Variants in PCCA observed in about 807,000 individuals in gnomAD.
PCCA encodes propionyl-CoA carboxylase subunit alpha.
Under a neutral mutation model 101.3 loss-of-function variants are expected in PCCA, and 74 were observed. The observed-to-expected ratio is 0.73, with a 90% CI of 0.61 to 0.89. The LOEUF (loss-of-function observed/expected upper bound fraction) is 0.89, where lower values mean the gene tolerates loss of function less well. PCCA is among the 40% of genes least tolerant of loss of function. The probability of loss-of-function intolerance (pLI) is 0.00; values close to 1 mark genes in which losing one functional copy is unlikely to be tolerated. For missense variants in PCCA, 891 were observed against 907.0 expected, an observed-to-expected ratio of 0.98 and a Z score of 0.23; for synonymous variants, 294 against 313.6, an observed-to-expected ratio of 0.94 and a Z score of 0.66.
At chr13:100,217,066 G>A (rs1026032267) in intron 7 of PCCA, among the ~76,000 whole-genome samples, 1 of 151,806 alleles carries the variant, frequency 6.6e-6, no homozygotes, top group African/African-American at 2.4e-5. Flanking sequence ...CCGAGATCAC[G>A]CCATTGCACT....
intron 20 of PCCA, among the ~76,000 whole-genome samples, chr13:100,433,426 T>C (rs1370944450): frequency 6.6e-6 from 1 of 152,212 alleles, no homozygotes; most frequent in African/African-American, 2.4e-5. Flanking sequence ...CCTTCCTATA[T>C]TGGTATTACT....
chr13:100,226,571 T>C (rs191852041), intron 7 of PCCA, among the ~76,000 whole-genome samples: 179 of 152,310 alleles, frequency 1.2e-3, no homozygotes, highest in African/African-American at 4.2e-3. Flanking sequence ...CTTCCTTGTG[T>C]TTTGCCCTGT....
At chr13:100,238,461 C>G (rs1173265245) in intron 8 of PCCA, among the ~76,000 whole-genome samples, 1 of 152,042 alleles carries the variant, frequency 6.6e-6, no homozygotes, top group Non-Finnish European at 1.5e-5. Context: ...CTTTCTCTTT[C>G]CTGTCCTTCT....
chr13:100,521,670 T>C (rs1377654325), intron 22 of PCCA, among the ~76,000 whole-genome samples: 3 of 152,346 alleles, frequency 2.0e-5, no homozygotes, highest in East Asian at 3.9e-4. Flanking sequence ...TCACTCAATC[T>C]GAGATGCCTT....
chr13:100,509,135 T>G (rs376255099), intron 21 of PCCA, among the ~76,000 whole-genome samples: 5 of 149,580 alleles, frequency 3.3e-5, no homozygotes, highest in African/African-American at 9.6e-5. Flanking sequence ...TAGTGTGGTG[T>G]TCATATTTCA....
At chr13:100,254,683 G>T (rs1156493901) in intron 8 of PCCA, among the ~76,000 whole-genome samples, 3 of 152,088 alleles carry the variant, frequency 2.0e-5, no homozygotes, top group Non-Finnish European at 4.4e-5. Context: ...TTTCTCCATG[G>T]TGTGGTGACA....
chr13:100,451,736 C>CTCTCTCTCTCTCTCTT (rs2081260176), intron 21 of PCCA, among the ~76,000 whole-genome samples: 1 of 119,072 alleles, frequency 8.4e-6, no homozygotes, highest in African/African-American at 3.3e-5. Flanking sequence ...CTCTCTCTCT[C>CTCTCTCTCTCTCTCTT]TCTTCTCTCC....
chr13:100,431,947 T>C (rs2079580143), intron 20 of PCCA, among the ~76,000 whole-genome samples: 2 of 151,988 alleles, frequency 1.3e-5, no homozygotes, highest in Non-Finnish European at 2.9e-5. Flanking sequence ...CCCAGCACTT[T>C]GGGAGGCCGA....
Position 100,340,141 on chromosome 13 carries a change from G to A in PCCA, c.1541-16G>A, listed in dbSNP as rs2071082210. The A allele has an allele frequency of 3.1e-6, 4 of 1,280,806 alleles. No homozygotes were observed. The highest frequency in any genetic ancestry group is 1.7e-5 in the Admixed American group (1 of 59,590). The allele number at this position is 1,280,806 out of a possible 1,614,324, so 79.3% of individuals were successfully genotyped here. A position where few individuals can be genotyped will look rare whatever the true frequency, so the allele number is the denominator to read the frequency against. ...TAAATGATTGATTGATTGATTGGTT[G>A]ATTGATTTCCCTCAGGACACATGCT... On this transcript the variant is annotated splice_polypyrimidine_tract_variant and intron_variant, in intron 17 of 23. Transcript: ENST00000376285.
At chr13:100,137,835 G>T in intron 4 of PCCA, among the ~76,000 whole-genome samples, 1 of 149,516 alleles carries the variant, frequency 6.7e-6, no homozygotes, top group African/African-American at 2.5e-5. Flanking sequence ...TTCGAGACAG[G>T]GTCTCACTCT....
intron 18 of PCCA, among the ~76,000 whole-genome samples, chr13:100,355,798 T>A (rs1367944983): frequency 6.6e-6 from 1 of 152,148 alleles, no homozygotes; most frequent in African/African-American, 2.4e-5. Context: ...ATTCCAAAAT[T>A]CATATGAAAA....
At chr13:100,471,743 G>A (rs551556614) in intron 21 of PCCA, among the ~76,000 whole-genome samples, 1 of 152,328 alleles carries the variant, frequency 6.6e-6, no homozygotes, top group African/African-American at 2.4e-5. Context: ...ACTAACATAA[G>A]TACATGCTGT....
chr13:100,274,689 GT>G (rs1210877012), intron 12 of PCCA, among the ~76,000 whole-genome samples: 1 of 152,046 alleles, frequency 6.6e-6, no homozygotes, highest in South Asian at 2.1e-4. Context: ...GTGCATCTCT[GT>G]GCCCAGGGTT....
intron 19 of PCCA, among the ~76,000 whole-genome samples, chr13:100,373,038 C>A (rs2075672373): frequency 6.6e-6 from 1 of 152,102 alleles, no homozygotes; most frequent in Non-Finnish European, 1.5e-5. Context: ...GTCACCACGC[C>A]CAGCCCTCCC....
chr13:100,419,109 T>C (rs1336025923), intron 19 of PCCA, among the ~76,000 whole-genome samples: 1 of 151,984 alleles, frequency 6.6e-6, no homozygotes, highest in Non-Finnish European at 1.5e-5. Context: ...CAGTCTTTGC[T>C]CAAGATCACC....
chr13:100,225,644 A>G (rs2060103285), intron 7 of PCCA, among the ~76,000 whole-genome samples: 1 of 152,212 alleles, frequency 6.6e-6, no homozygotes, highest in African/African-American at 2.4e-5. Context: ...GTATAACATT[A>G]AACATTAGTG....
intron 4 of PCCA, among the ~76,000 whole-genome samples, chr13:100,151,950 G>A (rs897149637): frequency 1.3e-5 from 2 of 149,432 alleles, no homozygotes; most frequent in Admixed American, 6.8e-5. Flanking sequence ...CTGCAGAATA[G>A]CATCTGCATT....
chr13:100,152,456 TA>T (rs2152377783), intron 4 of PCCA, among the ~76,000 whole-genome samples: 1 of 152,180 alleles, frequency 6.6e-6, no homozygotes, highest in East Asian at 1.9e-4. Flanking sequence ...TTTATTTATT[TA>T]TTTTTTTGAG....
chr13:100,471,546 T>A (rs1479838720), intron 21 of PCCA, among the ~76,000 whole-genome samples: 1 of 152,120 alleles, frequency 6.6e-6, no homozygotes, highest in Non-Finnish European at 1.5e-5. Flanking sequence ...TAAAATGAGG[T>A]AGGCCTGGAT....
Sources: gnomAD v4.1 joint callset for allele counts (sites outside exome capture counted in the v4.1 genomes callset) on GRCh38, gnomAD v4.1.1 for gene constraint, MANE v1.5 for transcripts, NCBI Gene and HGNC (gene_info 2026-07-23, HGNC 2026-07-21) for gene names.